Variants in AP2B1 observed in about 807,000 individuals in gnomAD.
AP2B1 encodes AP-2 complex subunit beta.
In AP2B1, 23 loss-of-function variants were observed where a neutral mutation model predicts 102.0. The ratio of observed to expected loss-of-function variants is 0.23; its 90% CI spans 0.16 to 0.32. The LOEUF is 0.32. Among genes scored for constraint, AP2B1 ranks in the 10% least tolerant of loss-of-function variants. The probability of loss-of-function intolerance (pLI) is 1.00; values close to 1 mark genes in which losing one functional copy is unlikely to be tolerated. For synonymous variants in AP2B1, 381 were observed against 421.2 expected, an observed-to-expected ratio of 0.90 and a Z score of 1.17; for missense variants, 541 against 1,157.4, an observed-to-expected ratio of 0.47 and a Z score of 7.73.
intron 18 of AP2B1, among the ~76,000 whole-genome samples, chr17:35,696,060 ACCAAAGGTCT>A (rs1568005329): frequency 5.9e-5 from 9 of 152,076 alleles, no homozygotes; most frequent in African/African-American, 1.9e-4. Context: ...GCAAAATCCT[ACCAAAGGTCT>A]CCAAGACCTT....
intron 14 of AP2B1, among the ~76,000 whole-genome samples, chr17:35,669,721 T>G (rs1236413141): frequency 6.6e-6 from 1 of 152,238 alleles, no homozygotes; most frequent in Non-Finnish European, 1.5e-5. Flanking sequence ...CTCTGTTCAT[T>G]GAGAAGATAA....
chr17:35,722,419 A>T (rs2085427071), intron 21 of AP2B1, among the ~76,000 whole-genome samples: 1 of 152,204 alleles, frequency 6.6e-6, no homozygotes, highest in Admixed American at 6.5e-5. Flanking sequence ...ACCAAGCAGC[A>T]GTTTTGGGAA....
chr17:35,625,219 A>G (rs1007673244), intron 6 of AP2B1, among the ~76,000 whole-genome samples: 3 of 152,224 alleles, frequency 2.0e-5, no homozygotes, highest in Admixed American at 6.5e-5. Context: ...AGCATTTTGT[A>G]TATGCAGGCA....
At chr17:35,654,090 C>G (rs1311493284) in intron 13 of AP2B1, among the ~76,000 whole-genome samples, 1 of 149,122 alleles carries the variant, frequency 6.7e-6, no homozygotes. Context: ...GAGATGTAGT[C>G]TCGCTCTGTC....
chr17:35,613,713 T>C (rs1388281513), intron 5 of AP2B1, among the ~76,000 whole-genome samples: 4 of 152,256 alleles, frequency 2.6e-5, no homozygotes, highest in African/African-American at 9.6e-5. Context: ...AAGTGGTGGC[T>C]GCTACTGTAA....
chr17:35,619,640 A>G (rs535935011), intron 5 of AP2B1, among the ~76,000 whole-genome samples: 2 of 152,210 alleles, frequency 1.3e-5, no homozygotes, highest in South Asian at 4.2e-4. Flanking sequence ...TGTGTTTAAT[A>G]TCTATCTCTG....
At chr17:35,694,435 A>ATTTTTTTTTTTT (rs2076101194) in intron 18 of AP2B1, among the ~76,000 whole-genome samples, 3 of 80,006 alleles carry the variant, frequency 3.7e-5, no homozygotes, top group African/African-American at 8.7e-5. Context: ...TAATTTTTTA[A>ATTTTTTTTTTTT]TTTTTTGTAG....
chr17:35,617,342 G>A (rs1360656415), intron 5 of AP2B1, among the ~76,000 whole-genome samples: 1 of 152,150 alleles, frequency 6.6e-6, no homozygotes, highest in Non-Finnish European at 1.5e-5. Context: ...AGGCGTGAGT[G>A]AGCCACCATG....
chr17:35,629,248 C>A (rs1342787949), intron 9 of AP2B1, among the ~76,000 whole-genome samples: 2 of 152,150 alleles, frequency 1.3e-5, no homozygotes, highest in African/African-American at 4.8e-5. Flanking sequence ...ACACCTGGCC[C>A]TGGAGTTTCT....
At chr17:35,691,652 A>G (rs2076044418) in intron 18 of AP2B1, among the ~76,000 whole-genome samples, 1 of 152,218 alleles carries the variant, frequency 6.6e-6, no homozygotes, top group Non-Finnish European at 1.5e-5. Context: ...CGGAAACTAT[A>G]TAGCGATTCC....
chr17:35,643,383 G>A lies in AP2B1; in HGVS notation c.1536+1408G>A, dbSNP rs183037625. Among the ~76,000 whole-genome samples, 480 of 152,266 alleles carry A rather than the reference G, an allele frequency of 3.2e-3. 3 individuals are homozygous for A. The highest frequency in any genetic ancestry group is 4.0e-3 in the Non-Finnish European group (274 of 68,020). ...CTCTCTGCTTACTGTAAATATTCAA[G>A]CAAGTATGTTTAGTAGTTTCCTCTG... is the stretch of plus-strand genomic sequence containing the variant. On this transcript the variant is annotated intron_variant, in intron 12 of 21. Transcript: ENST00000610402.
At chr17:35,596,787 G>A (rs2073297388) in intron 2 of AP2B1, 2 of 604,266 alleles carry the variant, frequency 3.3e-6, no homozygotes, top group Admixed American at 2.3e-5. Flanking sequence ...GCCCCCTAGC[G>A]TCAGCTGCAT....
At chr17:35,669,269 G>A (rs576844325) in intron 14 of AP2B1, among the ~76,000 whole-genome samples, 5 of 151,646 alleles carry the variant, frequency 3.3e-5, no homozygotes, top group South Asian at 4.2e-4. Context: ...TCAGTCTCCC[G>A]AGTAGCTGGG....
chr17:35,597,152 G>T, intron 2 of AP2B1: 2 of 482,268 alleles, frequency 4.1e-6, no homozygotes, highest in South Asian at 4.0e-5. Context: ...TTTCTATGCT[G>T]GTAAATGAGA....
At chr17:35,656,947 CT>C (rs2075244319) in intron 13 of AP2B1, among the ~76,000 whole-genome samples, 2 of 151,832 alleles carry the variant, frequency 1.3e-5, no homozygotes, top group Non-Finnish European at 2.9e-5. Flanking sequence ...CTTATTCTCT[CT>C]TCCTCCAAAT....
In AP2B1 at chr17:35,633,666, A is replaced by G. The variant is rs868031148; in HGVS notation, c.1156-2675A>G. 2.6e-5 allele frequency among the ~76,000 whole-genome samples: 4 copies of G among 152,288 alleles called. No homozygotes were observed. The South Asian group carries it at 8.3e-4, about 32-fold the overall frequency. ...TGGGTGGGATGCGAATACAAATCCC[A>G]TATATCATCTTACTCAAGTAGTCCA... On this transcript the variant is annotated intron_variant, in intron 9 of 21. Coordinates refer to ENST00000610402, the MANE Select transcript of AP2B1 (RefSeq NM_001030006.2).
chr17:35,633,132 T>C (rs1410647529), intron 9 of AP2B1, among the ~76,000 whole-genome samples: 2 of 151,468 alleles, frequency 1.3e-5, no homozygotes, highest in African/African-American at 4.9e-5. Context: ...GGAGGCCGAG[T>C]TGGGCGGATC....
chr17:35,628,275 A>T (rs2074369804), intron 9 of AP2B1, among the ~76,000 whole-genome samples: 1 of 152,176 alleles, frequency 6.6e-6, no homozygotes, highest in Non-Finnish European at 1.5e-5. Flanking sequence ...TCTCCCATGG[A>T]TTTGGAGACA....
At chr17:35,662,359 T>A (rs555697522) in intron 14 of AP2B1, among the ~76,000 whole-genome samples, 1 of 152,282 alleles carries the variant, frequency 6.6e-6, no homozygotes, top group East Asian at 1.9e-4. Flanking sequence ...CAAACTGAAC[T>A]ATCGCTTTGA....
Sources: allele counts gnomAD v4.1 joint callset (sites outside exome capture counted in the v4.1 genomes callset), GRCh38; gene constraint gnomAD v4.1.1; transcripts MANE v1.5; gene names NCBI Gene and HGNC (gene_info 2026-07-23, HGNC 2026-07-21).